The following KIAA2012 variants were observed in gnomAD, a reference collection of about 807,000 sequenced individuals.
KIAA2012 encodes uncharacterized protein KIAA2012.
KIAA2012 carries 125 observed loss-of-function variants against 150.6 expected under a neutral mutation model. The ratio of observed to expected loss-of-function variants is 0.83; its 90% CI spans 0.72 to 0.96. KIAA2012 has a LOEUF of 0.96. Ranked by LOEUF, KIAA2012 falls within the 40% of genes least tolerant of loss-of-function variation. KIAA2012 has a pLI of 0.00. For missense variants in KIAA2012, 1,219 were observed against 1,354.9 expected, an observed-to-expected ratio of 0.90 and a Z score of 1.57; for synonymous variants, 462 against 504.7, an observed-to-expected ratio of 0.92 and a Z score of 1.13.
chr2:202,103,438 A>G (rs1403334161), intron 8 of KIAA2012, among the ~76,000 whole-genome samples: 2 of 152,178 alleles, frequency 1.3e-5, no homozygotes, highest in East Asian at 1.9e-4. Flanking sequence ...GCAGCTTACA[A>G]AAAAATAATT....
chr2:202,073,621 G>C lies in KIAA2012; in HGVS notation c.-7G>C. 1 of 1,550,202 alleles carries C rather than the reference G, an allele frequency of 6.5e-7. No homozygotes were observed. The highest frequency in any genetic ancestry group is 1.2e-5 in the South Asian group (1 of 83,992). ...CTGCCCTTGAGAAGGGGTGGTCAGA[G>C]GGAAACATGTTCACGCTCTCCCTCC... is the stretch of plus-strand genomic sequence containing the variant. On this transcript the variant is annotated 5_prime_UTR_variant, in exon 1 of 24. Transcript: ENST00000498697.
intron 23 of KIAA2012, among the ~76,000 whole-genome samples, chr2:202,203,496 A>G (rs1325761137): frequency 1.3e-5 from 2 of 152,218 alleles, no homozygotes; most frequent in East Asian, 3.8e-4. Flanking sequence ...TGCTGAGTAC[A>G]CAGCACCAGC....
chr2:202,161,180 G>GCAGA (rs978997070), intron 14 of KIAA2012, among the ~76,000 whole-genome samples: 2 of 152,154 alleles, frequency 1.3e-5, no homozygotes, highest in Non-Finnish European at 2.9e-5. Flanking sequence ...GGACTTGAGT[G>GCAGA]CAGACAGCCT....
At chr2:202,125,024 C>T (rs1456874668) in intron 11 of KIAA2012, among the ~76,000 whole-genome samples, 190 bp from the exon 12 acceptor site, 1 of 152,128 alleles carries the variant, frequency 6.6e-6, no homozygotes, top group Non-Finnish European at 1.5e-5. Flanking sequence ...GAGCCGAGAT[C>T]GTGCCACTGC....
rs1158554258 is a variant in KIAA2012 at position 202,184,801 on chromosome 2, C to T, written c.2168C>T (p.Thr723Ile). 5.8e-6 allele frequency: 9 copies of T among 1,549,560 alleles called. No homozygotes were observed. Among genetic ancestry groups the T allele is most frequent in the Non-Finnish European group, 7.8e-6 (9 of 1,146,556 alleles). The change falls in exon 16 of 24, where the codon ACT (threonine) becomes ATT (isoleucine). Residue 723 changes from threonine (T) to isoleucine (I), a missense_variant. By Grantham distance (89) the Thr-to-Ile change is moderately conservative. Transcript: ENST00000498697. ...MTLDSPRASRTEHIQTPEADI... is the reference protein window; with the variant it reads ...MTLDSPRASRIEHIQTPEADI... Reference sequence around the variant, plus strand: ...CTTGACTCTCCCAGGGCTTCCCGGACTGAGCACATCCAGACCCCAGAAGCA... The same window carrying T: ...CTTGACTCTCCCAGGGCTTCCCGGATTGAGCACATCCAGACCCCAGAAGCA...
intron 2 of KIAA2012, among the ~76,000 whole-genome samples, chr2:202,082,489 G>A (rs1689473071): frequency 6.6e-6 from 1 of 152,106 alleles, no homozygotes; most frequent in African/African-American, 2.4e-5. Flanking sequence ...CACAAAAGTA[G>A]GGAGGCTAAG....
In KIAA2012 at chr2:202,178,894, G is replaced by A. The variant is rs1692054990; in HGVS notation, c.2120-5859G>A. Reference sequence around the variant, plus strand: ...ACCAAAGTTGCAAAGAAGCTCCTGGGCGGGGAAACCACAAAATAACATTGA... The same window carrying A: ...ACCAAAGTTGCAAAGAAGCTCCTGGACGGGGAAACCACAAAATAACATTGA... On this transcript the variant is annotated intron_variant, in intron 15 of 23. Coordinates refer to ENST00000498697, the MANE Select transcript of KIAA2012 (RefSeq NM_001277372.4). 3 of 201,540 alleles carry A rather than the reference G, an allele frequency of 1.5e-5. No individual in the cohort carries two copies. In the Admixed American group the frequency reaches 1.7e-4, roughly 11 times the overall value. 12.5% of individuals were successfully genotyped at this position (201,540 alleles called of 1,614,324 possible).
At chr2:202,124,071 T>C (rs1397895556) in intron 11 of KIAA2012, among the ~76,000 whole-genome samples, 5 of 152,124 alleles carry the variant, frequency 3.3e-5, no homozygotes, top group Non-Finnish European at 7.4e-5. Flanking sequence ...CAGGCACCTG[T>C]AGTCCCAGCT....
In KIAA2012 at chr2:202,105,889, A is replaced by G. The variant is rs1220484543; in HGVS notation, c.1453A>G (p.Arg485Gly). Residue 485 changes from arginine to glycine, a missense_variant, in exon 9 of 24, where the codon AGG (arginine) becomes GGG (glycine). Transcript: ENST00000498697. Reference sequence around the variant, plus strand: ...AGTGCATCTCCCAGTGGACGCGAGCAGGGACACACTCTCACCTCAAGGTAG... The same window carrying G: ...AGTGCATCTCCCAGTGGACGCGAGCGGGGACACACTCTCACCTCAAGGTAG... Reference protein sequence around the residue: ...LTVHLPVDASRDTLSPQDDDA... With the variant: ...LTVHLPVDASGDTLSPQDDDA... 1 of 1,550,852 alleles carries G rather than the reference A, an allele frequency of 6.4e-7. No homozygotes were observed. Among genetic ancestry groups the G allele is most frequent in the Non-Finnish European group, 8.7e-7 (1 of 1,147,086 alleles).
At chr2:202,163,436 C>A (rs1298419472) in intron 14 of KIAA2012, among the ~76,000 whole-genome samples, 1 of 152,134 alleles carries the variant, frequency 6.6e-6, no homozygotes, top group Non-Finnish European at 1.5e-5. Flanking sequence ...AAAGATAGTT[C>A]TTTTGACACT....
intron 21 of KIAA2012, among the ~76,000 whole-genome samples, chr2:202,194,918 G>A (rs1188208230): frequency 1.3e-5 from 2 of 151,788 alleles, no homozygotes; most frequent in African/African-American, 2.4e-5. Context: ...ACAGGCGCCC[G>A]CCACCATGCA....
At chr2:202,171,068 G>A (rs866918206) in intron 15 of KIAA2012, among the ~76,000 whole-genome samples, 1 of 151,960 alleles carries the variant, frequency 6.6e-6, no homozygotes, top group East Asian at 1.9e-4. Context: ...CCCCCCACGG[G>A]AGAAAACAGC....
intron 2 of KIAA2012, among the ~76,000 whole-genome samples, chr2:202,079,253 G>C (rs1219772964): frequency 6.6e-6 from 1 of 152,166 alleles, no homozygotes; most frequent in Non-Finnish European, 1.5e-5. Context: ...GCTGCAAGTT[G>C]AGTCCACCAA....
intron 10 of KIAA2012, among the ~76,000 whole-genome samples, chr2:202,112,026 T>C (rs1301732043): frequency 6.6e-6 from 1 of 152,168 alleles, no homozygotes; most frequent in African/African-American, 2.4e-5. Flanking sequence ...CTGGTTTCTA[T>C]TACTAAGCTA....
chr2:202,090,538 G>C (rs1304010954), intron 2 of KIAA2012, among the ~76,000 whole-genome samples: 1 of 152,198 alleles, frequency 6.6e-6, no homozygotes, highest in Non-Finnish European at 1.5e-5. Context: ...GATGGGATCT[G>C]GTATATGTCA....
intron 12 of KIAA2012, among the ~76,000 whole-genome samples, chr2:202,127,608 CTT>C (rs749798821): frequency 3.9e-5 from 6 of 152,200 alleles, no homozygotes; most frequent in Non-Finnish European, 5.9e-5. Flanking sequence ...CAAAGGCTAA[CTT>C]AGCCTATTAC....
chr2:202,100,262 C>G, intron 6 of KIAA2012, 45 bp from the exon 7 acceptor site: 1 of 1,529,348 alleles, frequency 6.5e-7, no homozygotes, highest in Non-Finnish European at 8.8e-7. Context: ...TGTTCATCCC[C>G]CTACCTGCAA....
chr2:202,130,052 T>C (rs951913393), intron 12 of KIAA2012, among the ~76,000 whole-genome samples: 1 of 152,158 alleles, frequency 6.6e-6, no homozygotes, highest in African/African-American at 2.4e-5. Flanking sequence ...TTTCTTTACA[T>C]ATACATAGAT....
intron 19 of KIAA2012, among the ~76,000 whole-genome samples, chr2:202,192,518 C>T (rs1438018627): frequency 2.0e-5 from 3 of 146,992 alleles, no homozygotes; most frequent in African/African-American, 5.0e-5. Flanking sequence ...AGTGCAATGG[C>T]GCAATCTCGG....
Sources: gnomAD v4.1 joint callset for allele counts (sites outside exome capture counted in the v4.1 genomes callset) on GRCh38, gnomAD v4.1.1 for gene constraint, MANE v1.5 for transcripts, NCBI Gene and HGNC (gene_info 2026-07-23, HGNC 2026-07-21) for gene names.